The following LAMA3 variants were observed in gnomAD, a reference collection of about 807,000 sequenced individuals.
The protein encoded by LAMA3 is laminin subunit alpha 3.
Under a neutral mutation model 402.0 loss-of-function variants are expected in LAMA3, and 281 were observed. That is an observed-to-expected ratio of 0.70 (90% confidence interval 0.63 to 0.77). The LOEUF (loss-of-function observed/expected upper bound fraction) is 0.77. Among genes scored for constraint, LAMA3 ranks in the 30% least tolerant of loss-of-function variants. The probability of loss-of-function intolerance (pLI) is 0.00; values close to 1 mark genes in which losing one functional copy is unlikely to be tolerated. For synonymous variants in LAMA3, 1,431 were observed against 1,558.4 expected, an observed-to-expected ratio of 0.92 and a Z score of 1.93; for missense variants, 3,840 against 4,215.5, an observed-to-expected ratio of 0.91 and a Z score of 2.47.
Position 23,928,762 on chromosome 18 carries a change from A to T in LAMA3, c.8433A>T (p.Thr2811=). The change falls in exon 64 of 75, where the codon ACA becomes ACT. Residue 2811 remains threonine (T), a synonymous_variant. Transcript: ENST00000313654. ...QPSGILLDHQ[T]WTRNLQVTLE... is the part of the protein sequence containing the mutation. ...GTGGCATATTATTAGATCATCAGAC[A>T]TGGGTATGCAGTAGTGCATTAATAT... is the stretch of plus-strand genomic sequence containing the variant. 1 of 1,613,584 alleles carries T rather than the reference A, an allele frequency of 6.2e-7. No individual in the cohort carries two copies. The highest frequency in any genetic ancestry group is 8.5e-7 in the Non-Finnish European group (1 of 1,179,464).
At position 23,944,028 on chromosome 18, in the gene LAMA3, C is replaced by A; in HGVS notation, c.9210+57C>A. On this transcript the variant is annotated intron_variant, in intron 69 of 74. Transcript: ENST00000313654. ...TTGGTGTGGAATTCACTGTTGGAGT[C>A]GCTGAAAATAGGAGTCCCAGCATCC... is the stretch of plus-strand genomic sequence containing the variant. The A allele has an allele frequency of 1.9e-6, 3 of 1,543,014 alleles. No homozygotes were observed. The South Asian group carries it at 3.4e-5, about 18-fold the overall frequency.
At chr18:23,702,034 CAGAG>C (rs1245153567) in intron 1 of LAMA3, among the ~76,000 whole-genome samples, 3 of 151,904 alleles carry the variant, frequency 2.0e-5, no homozygotes, top group Admixed American at 2.0e-4. Flanking sequence ...GAGAGAGAGA[CAGAG>C]AGAGTGAGTG....
rs748706179 is a variant in LAMA3 at position 23,842,612 on chromosome 18, C to A, written c.3465C>A (p.Gly1155=). Residue 1155 remains glycine, a splice_region_variant and synonymous_variant, in exon 29 of 75, where the codon GGC becomes GGA. Coordinates refer to ENST00000313654, the MANE Select transcript of LAMA3 (RefSeq NM_198129.4). ...VSVDGGWPRA[G]SFHASFCPHV... is the part of the protein sequence containing the mutation. ...AAAGTCTCTCTCTCTCTCTGCCAGG[C>A]TCCTTCCATGCCTCTTTTTGCCCCC... 1 of 1,614,222 alleles carries A rather than the reference C, an allele frequency of 6.2e-7. No individual in the cohort carries two copies. Among genetic ancestry groups the A allele is most frequent in the Non-Finnish European group, 8.5e-7 (1 of 1,180,040 alleles).
intron 66 of LAMA3, among the ~76,000 whole-genome samples, chr18:23,933,083 T>G (rs545181011): frequency 3.8e-4 from 58 of 152,316 alleles, no homozygotes; most frequent in Non-Finnish European, 6.5e-4. Context: ...AGCAAATTTG[T>G]CCAAGACTTT....
At chr18:23,690,696 G>A (rs1021190256) in intron 1 of LAMA3, among the ~76,000 whole-genome samples, 3 of 150,984 alleles carry the variant, frequency 2.0e-5, no homozygotes, top group African/African-American at 7.3e-5. Context: ...CGGCAGCCTC[G>A]AACTCCTGGG....
intron 1 of LAMA3, among the ~76,000 whole-genome samples, chr18:23,690,735 G>T (rs1008931909): frequency 6.6e-6 from 1 of 150,824 alleles, no homozygotes; most frequent in Non-Finnish European, 1.5e-5. Context: ...CTCAGCCTTG[G>T]GCGTAGCTGG....
chr18:23,925,097 G>T lies in LAMA3; in HGVS notation c.8178-3026G>T, dbSNP rs72875911. On this transcript the variant is annotated intron_variant, in intron 62 of 74. Coordinates refer to ENST00000313654, the MANE Select transcript of LAMA3 (RefSeq NM_198129.4). ...CATGGATAATCCACAGCCAAGCTCT[G>T]TAGGGGCAACCAGCCAACGCTTCCA... is the stretch of plus-strand genomic sequence containing the variant. 7.8e-3 allele frequency among the ~76,000 whole-genome samples: 1,185 copies of T among 152,346 alleles called. 9 individuals are homozygous for T. Among genetic ancestry groups the T allele is most frequent in the Middle Eastern group, 0.071 (21 of 294 alleles).
At position 23,689,710 on chromosome 18, in the gene LAMA3, T is replaced by G. The variant is rs2145782562; in HGVS notation, c.27T>G (p.Gly9=). 7.4e-7 allele frequency: 1 copy of G among 1,359,120 alleles called. No individual in the cohort carries two copies. The allele number at this position is 1,359,120 out of a possible 1,614,324, so 84.2% of individuals were successfully genotyped here. Residue 9 remains glycine (G), a synonymous_variant, in exon 1 of 75, where the codon GGT becomes GGG. Coordinates refer to ENST00000313654, the MANE Select transcript of LAMA3 (RefSeq NM_198129.4). ...TGGCGGCGGCCGCGCGGCCTCGGGG[T>G]CGGGCACTGGGGCCAGTACTGCCGC... MAAAARPR[G]RALGPVLPPT... is the part of the protein sequence containing the mutation.
chr18:23,948,405 T>C (rs2145547488), intron 70 of LAMA3, among the ~76,000 whole-genome samples: 1 of 152,292 alleles, frequency 6.6e-6, no homozygotes, highest in East Asian at 1.9e-4. Flanking sequence ...TAGGGATCAA[T>C]GCTGGGTTCT....
chr18:23,714,987 G>A (rs940801360), intron 2 of LAMA3, among the ~76,000 whole-genome samples: 3 of 152,088 alleles, frequency 2.0e-5, no homozygotes, highest in African/African-American at 7.2e-5. Context: ...AAACATCAGG[G>A]AAAGTGAAAG....
At chr18:23,818,369 A>G (rs576801500) in intron 18 of LAMA3, among the ~76,000 whole-genome samples, 1 of 152,360 alleles carries the variant, frequency 6.6e-6, no homozygotes, top group South Asian at 2.1e-4. Flanking sequence ...ATACATGCAC[A>G]CATACATATA....
In LAMA3 at chr18:23,899,394, G is replaced by C; in HGVS notation, c.5943G>C (p.Arg1981=). 6.2e-7 allele frequency: 1 copy of C among 1,614,148 alleles called. No individual in the cohort carries two copies. The highest frequency in any genetic ancestry group is 8.5e-7 in the Non-Finnish European group (1 of 1,180,014). Residue 1981 remains arginine (R), a synonymous_variant, in exon 47 of 75, where the codon CGG becomes CGC. Transcript: ENST00000313654. Reference sequence around the variant, plus strand: ...CCCAGCGCATGATGAGGGAACTGCGGAACAGGAACTTTGGAAAGCACCTCA... The same window carrying C: ...CCCAGCGCATGATGAGGGAACTGCGCAACAGGAACTTTGGAAAGCACCTCA... ...AEAQRMMREL[R]NRNFGKHLRE... is the part of the protein sequence containing the mutation.
At chr18:23,753,635 G>A (rs2061790645) in intron 5 of LAMA3, 86 bp from the exon 6 acceptor site, 1 of 920,090 alleles carries the variant, frequency 1.1e-6, no homozygotes, top group South Asian at 1.4e-5. Flanking sequence ...GGGAAGCAGA[G>A]GCAGCAGATG....
chr18:23,792,770 T>A (rs1010833074), intron 12 of LAMA3, among the ~76,000 whole-genome samples: 3 of 152,080 alleles, frequency 2.0e-5, no homozygotes, highest in Non-Finnish European at 4.4e-5. Context: ...GGGCAAGGGA[T>A]GTGTAGGTGT....
Position 23,827,385 on chromosome 18 carries a change from T to C in LAMA3, c.2741T>C (p.Leu914Pro). 6.2e-7 allele frequency: 1 copy of C among 1,614,242 alleles called. No individual in the cohort carries two copies. Among genetic ancestry groups the C allele is most frequent in the Non-Finnish European group, 8.5e-7 (1 of 1,180,042 alleles). Residue 914 changes from leucine to proline, a missense_variant, in exon 23 of 75, where the codon CTG (leucine) becomes CCG (proline). By Grantham distance (98) the Leu-to-Pro change is moderately conservative. Around this residue, in one of 3 missense-constraint regions of LAMA3, gnomAD observed 2,109 missense variants for 2,376.0 expected, o/e 0.89. Transcript: ENST00000313654. Reference protein sequence around the residue: ...CTLACEARHFLLDGEPRPVAV... With the variant: ...CTLACEARHFPLDGEPRPVAV... ...CTGGCTTGTGAGGCCAGACACTTCC[T>C]GCTTGATGGGGAGCCAAGACCCGTG...
chr18:23,763,899 G>A (rs2062025231), intron 8 of LAMA3, among the ~76,000 whole-genome samples: 1 of 152,128 alleles, frequency 6.6e-6, no homozygotes, highest in African/African-American at 2.4e-5. Context: ...CAGATTCTGA[G>A]TCTAGACTCA....
At chr18:23,877,087 G>C (rs2064746965) in intron 39 of LAMA3, among the ~76,000 whole-genome samples, 1 of 152,130 alleles carries the variant, frequency 6.6e-6, no homozygotes, top group Admixed American at 6.5e-5. Flanking sequence ...TCCAACACAA[G>C]CTTCACTACT....
At chr18:23,729,016 GC>G (rs1426600776) in intron 2 of LAMA3, among the ~76,000 whole-genome samples, 1 of 120,002 alleles carries the variant, frequency 8.3e-6, no homozygotes, top group African/African-American at 3.3e-5. Flanking sequence ...GGGCAACAGA[GC>G]AAGACTCCGT....
chr18:23,735,472 GTC>G (rs2146029227), intron 2 of LAMA3, among the ~76,000 whole-genome samples: 1 of 152,264 alleles, frequency 6.6e-6, no homozygotes, highest in Admixed American at 6.5e-5. Flanking sequence ...AGCTGTGCCT[GTC>G]TCTTGTTTTA....
Sources: allele counts gnomAD v4.1 joint callset (sites outside exome capture counted in the v4.1 genomes callset), GRCh38; gene constraint gnomAD v4.1.1; regional missense constraint gnomAD v4.1.1; transcripts MANE v1.5; gene names NCBI Gene and HGNC (gene_info 2026-07-23, HGNC 2026-07-21).